The following SPMIP11 variants were observed in gnomAD, a reference collection of about 807,000 sequenced individuals.
SPMIP11 encodes the protein sperm microtubule inner protein 11, also known as long intergenic non-protein coding RNA 935.
the SPMIP11 span, among the ~76,000 whole-genome samples, chr12:48,730,591 A>G: frequency 6.6e-6 from 1 of 152,130 alleles, no homozygotes; most frequent in Admixed American, 6.6e-5. Flanking sequence ...TTCATTTAAT[A>G]CTCTAACATT....
chr12:48,739,323 A>G, the SPMIP11 span, among the ~76,000 whole-genome samples: 3 of 152,134 alleles, frequency 2.0e-5, no homozygotes, highest in South Asian at 2.1e-4. Context: ...GAAGAATCCT[A>G]TTATTCCTTC....
At chr12:48,746,726 G>A in the SPMIP11 span, among the ~76,000 whole-genome samples, 3 of 151,448 alleles carry the variant, frequency 2.0e-5, no homozygotes, top group African/African-American at 7.3e-5. Flanking sequence ...TTTAAGACCA[G>A]CCTGGCCAAC....
At chr12:48,763,144 T>C in the SPMIP11 span, among the ~76,000 whole-genome samples, 2 of 152,294 alleles carry the variant, frequency 1.3e-5, no homozygotes, top group South Asian at 2.1e-4. Flanking sequence ...TAGTAAGTTA[T>C]TTCTAATAGC....
At chr12:48,735,365 C>T in the SPMIP11 span, among the ~76,000 whole-genome samples, 19 of 151,740 alleles carry the variant, frequency 1.3e-4, no homozygotes, top group South Asian at 2.9e-3. Context: ...CCCAACTCTT[C>T]GGGAGGCCGA....
At chr12:48,753,266 C>T in the SPMIP11 span, among the ~76,000 whole-genome samples, 1 of 152,142 alleles carries the variant, frequency 6.6e-6, no homozygotes, top group Non-Finnish European at 1.5e-5. Context: ...TTGCCAGACT[C>T]TCCAGTGACT....
chr12:48,735,640 G>A, the SPMIP11 span, among the ~76,000 whole-genome samples: 1 of 152,152 alleles, frequency 6.6e-6, no homozygotes, highest in Non-Finnish European at 1.5e-5. Context: ...GCTCACACCT[G>A]TAATCCCAGC....
chr12:48,741,223 G>A, the SPMIP11 span, among the ~76,000 whole-genome samples: 2 of 151,816 alleles, frequency 1.3e-5, no homozygotes, highest in Admixed American at 1.3e-4. Flanking sequence ...GGCTAATTTT[G>A]CATTTTTAGT....
chr12:48,734,311 A>C, the SPMIP11 span, among the ~76,000 whole-genome samples: 1 of 151,732 alleles, frequency 6.6e-6, no homozygotes, highest in African/African-American at 2.4e-5. Context: ...GGATCCCACT[A>C]TGTTGCCCAG....
chr12:48,744,398 T>A, the SPMIP11 span, among the ~76,000 whole-genome samples: 1 of 152,024 alleles, frequency 6.6e-6, no homozygotes, highest in Admixed American at 6.6e-5. Context: ...AGAGTGAGAC[T>A]CTGTTTTCCA....
At chr12:48,746,686 C>G in the SPMIP11 span, among the ~76,000 whole-genome samples, 1 of 151,738 alleles carries the variant, frequency 6.6e-6, no homozygotes, top group Non-Finnish European at 1.5e-5. Context: ...TTTGGAAGGC[C>G]AAGGTGGGTG....
the SPMIP11 span, among the ~76,000 whole-genome samples, chr12:48,728,590 C>G: frequency 1.0e-3 from 156 of 151,914 alleles, no homozygotes; most frequent in African/African-American, 3.6e-3. Context: ...CGCCTGTAGT[C>G]CCAGCTACTT....
the SPMIP11 span, among the ~76,000 whole-genome samples, chr12:48,744,330 C>T: frequency 1.3e-5 from 2 of 151,680 alleles, no homozygotes; most frequent in Non-Finnish European, 2.9e-5. Context: ...CGCTTGAAAC[C>T]AGGAGGTAGA....
chr12:48,770,054 C>T, the SPMIP11 span, among the ~76,000 whole-genome samples: 21 of 150,674 alleles, frequency 1.4e-4, no homozygotes, highest in African/African-American at 4.7e-4. Context: ...AGCCACTGCG[C>T]CCGGCCTAAT....
the SPMIP11 span, among the ~76,000 whole-genome samples, chr12:48,746,783 T>C: frequency 6.6e-6 from 1 of 151,098 alleles, no homozygotes; most frequent in African/African-American, 2.4e-5. Flanking sequence ...TAGCTGGGCA[T>C]GGTGGTGCAT....
At chr12:48,770,676 G>C in the SPMIP11 span, 1 of 1,357,022 alleles carries the variant, frequency 7.4e-7, no homozygotes, top group South Asian at 1.2e-5. Context: ...AGCCCTGATG[G>C]GAAATCTGTG....
the SPMIP11 span, among the ~76,000 whole-genome samples, chr12:48,753,306 A>G: frequency 2.0e-5 from 3 of 152,192 alleles, no homozygotes; most frequent in Non-Finnish European, 2.9e-5. Flanking sequence ...GCTGACCTTC[A>G]AGCTGTGCAC....
At chr12:48,750,431 T>C in the SPMIP11 span, among the ~76,000 whole-genome samples, 4 of 152,150 alleles carry the variant, frequency 2.6e-5, no homozygotes, top group Non-Finnish European at 5.9e-5. Context: ...AATGGTAAAC[T>C]CTTAGTTCTC....
chr12:48,733,134 G>A, the SPMIP11 span, among the ~76,000 whole-genome samples: 2 of 147,212 alleles, frequency 1.4e-5, no homozygotes, highest in African/African-American at 5.0e-5. Context: ...GAGTGCAGTG[G>A]TGCAATCTGG....
chr12:48,734,953 C>T, the SPMIP11 span, among the ~76,000 whole-genome samples: 1 of 134,898 alleles, frequency 7.4e-6, no homozygotes. Flanking sequence ...TGCAGTGAGC[C>T]GAGTAGCGCC....
Sources: gnomAD v4.1 joint callset for allele counts (sites outside exome capture counted in the v4.1 genomes callset) on GRCh38, gnomAD v4.1.1 for gene constraint, MANE v1.5 for transcripts, NCBI Gene and HGNC (gene_info 2026-07-23, HGNC 2026-07-21) for gene names.